Variants in UBR1 observed in about 807,000 individuals in gnomAD.
UBR1 encodes E3 ubiquitin-protein ligase UBR1.
In UBR1, 102 loss-of-function variants were observed where a neutral mutation model predicts 242.1. That is an observed-to-expected ratio of 0.42 (90% CI 0.36 to 0.50). The LOEUF is 0.50. Among genes scored for constraint, UBR1 ranks in the 20% least tolerant of loss-of-function variants. The probability of loss-of-function intolerance (pLI) is 0.01; values close to 1 mark genes in which losing one functional copy is unlikely to be tolerated. For missense variants in UBR1, 1,772 were observed against 2,101.8 expected (o/e 0.84, Z 3.07); for synonymous variants, 675 against 684.8 (o/e 0.99, Z 0.22).
intron 1 of UBR1, among the ~76,000 whole-genome samples, chr15:43,097,340 C>T (rs896709921): frequency 5.3e-5 from 8 of 152,080 alleles, no homozygotes; most frequent in African/African-American, 1.7e-4. Context: ...ATTCAACATA[C>T]GCAGAGTAGC....
At chr15:43,041,159 C>G (rs1400359042) in intron 15 of UBR1, among the ~76,000 whole-genome samples, 3 of 152,260 alleles carry the variant, frequency 2.0e-5, no homozygotes. Flanking sequence ...TTTATTGCAG[C>G]ACTATTCACA....
intron 1 of UBR1, among the ~76,000 whole-genome samples, chr15:43,092,265 A>G (rs1312133136): frequency 1.3e-5 from 2 of 152,154 alleles, no homozygotes; most frequent in South Asian, 2.1e-4. Context: ...TGATCAGCCC[A>G]AGAAAATTTT....
intron 21 of UBR1, 122 bp from the exon 22 acceptor site, chr15:43,027,950 T>C (rs749897539): frequency 2.2e-5 from 19 of 864,886 alleles, no homozygotes; most frequent in Non-Finnish European, 3.2e-5. Flanking sequence ...AAAAGATCAA[T>C]TTCCACTATT....
intron 1 of UBR1, among the ~76,000 whole-genome samples, chr15:43,095,542 T>TA (rs60302282): frequency 0.018 from 2,170 of 117,472 alleles, 40 homozygotes; most frequent in East Asian, 0.057. Flanking sequence ...GTGACAACAT[T>TA]AAAAAAAAAA....
chr15:43,013,655 T>G (rs1276627643), intron 29 of UBR1, among the ~76,000 whole-genome samples: 3 of 152,222 alleles, frequency 2.0e-5, no homozygotes, highest in South Asian at 2.1e-4. Context: ...TATCTTTTTG[T>G]GCATAAAGGT....
intron 42 of UBR1, among the ~76,000 whole-genome samples, chr15:42,961,743 C>G (rs780079168): frequency 6.0e-5 from 9 of 151,246 alleles, no homozygotes; most frequent in Admixed American, 1.3e-4. Context: ...CTGTGTTCCT[C>G]TTTCTATACT....
chr15:42,958,834 T>C (rs959133702), intron 43 of UBR1, among the ~76,000 whole-genome samples: 7 of 152,172 alleles, frequency 4.6e-5, no homozygotes, highest in African/African-American at 1.7e-4. Context: ...AACCAATTTA[T>C]TGATTTATTT....
chr15:42,963,432 C>G (rs1312089227), intron 42 of UBR1, among the ~76,000 whole-genome samples: 6 of 152,066 alleles, frequency 3.9e-5, no homozygotes, highest in Non-Finnish European at 8.8e-5. Flanking sequence ...TGACAGTGCA[C>G]AAGAGGGCCA....
At chr15:42,986,080 T>C (rs1210973940) in intron 35 of UBR1, among the ~76,000 whole-genome samples, 3 of 152,110 alleles carry the variant, frequency 2.0e-5, no homozygotes, top group African/African-American at 7.2e-5. Flanking sequence ...ATGGTATTTA[T>C]TCCTAAATTA....
At chr15:43,011,791 C>G in intron 29 of UBR1, 1 of 340,666 alleles carries the variant, frequency 2.9e-6, no homozygotes. Flanking sequence ...CAGAGTTCCA[C>G]AAGGAGACAC....
intron 33 of UBR1, among the ~76,000 whole-genome samples, chr15:42,990,807 C>A (rs1054674174): frequency 3.3e-5 from 5 of 152,192 alleles, no homozygotes; most frequent in African/African-American, 1.2e-4. Context: ...TGAAGCCAAG[C>A]TGCCTGGGTT....
chr15:42,974,404 T>C (rs370701234), intron 39 of UBR1, among the ~76,000 whole-genome samples: 1 of 152,104 alleles, frequency 6.6e-6, no homozygotes, highest in East Asian at 1.9e-4. Context: ...ATATCTGGGC[T>C]CTCTTTCATA....
intron 33 of UBR1, among the ~76,000 whole-genome samples, chr15:42,996,896 T>A (rs1054531905): frequency 6.6e-6 from 1 of 152,158 alleles, no homozygotes; most frequent in Non-Finnish European, 1.5e-5. Context: ...CAATTTTAGA[T>A]CCAAAGAGGG....
intron 27 of UBR1, among the ~76,000 whole-genome samples, chr15:43,017,642 T>C (rs1195659469): frequency 1.3e-5 from 2 of 151,872 alleles, no homozygotes; most frequent in Admixed American, 1.3e-4. Context: ...AAATCCTGTC[T>C]TTACTAAAAA....
At chr15:42,963,684 A>C (rs2141257359) in intron 42 of UBR1, among the ~76,000 whole-genome samples, 1 of 105,580 alleles carries the variant, frequency 9.5e-6, no homozygotes, top group South Asian at 3.7e-4. Flanking sequence ...CCCCAATTTA[A>C]AACAGATGAG....
chr15:42,949,328 T>C (rs1020021262), intron 46 of UBR1, among the ~76,000 whole-genome samples: 4 of 150,736 alleles, frequency 2.7e-5, no homozygotes, highest in African/African-American at 9.7e-5. Context: ...TACCTAATGC[T>C]AAATGATGAG....
rs759455243 is a variant in UBR1, at chr15:43,059,769, C to A, written c.918G>T (p.Glu306Asp). The A allele has an allele frequency of 6.2e-7, 1 of 1,614,090 alleles. No homozygotes were observed. The highest frequency in any genetic ancestry group is 8.5e-7 in the Non-Finnish European group (1 of 1,180,002). ...AAGCAAATTTCTGATGAGCCATAAT[C>A]TCTGAGTGTAATACTTCTACATGAA... ...HPLHVEVLHSEIMAHQKFALR... is the reference protein window; with the variant it reads ...HPLHVEVLHSDIMAHQKFALR... The change falls in exon 8 of 47, where the codon GAG becomes GAT. Residue 306 changes from glutamate to aspartate, a missense_variant. Glu to Asp is a conservative substitution (Grantham distance 45, BLOSUM62 2). This residue lies in a region of UBR1 where 734 missense variants were observed against 893.3 expected (regional missense o/e 0.82). Coordinates refer to ENST00000290650, the MANE Select transcript of UBR1 (RefSeq NM_174916.3).
intron 42 of UBR1, among the ~76,000 whole-genome samples, chr15:42,962,158 C>T (rs1387169682): frequency 6.6e-6 from 1 of 151,678 alleles, no homozygotes; most frequent in Non-Finnish European, 1.5e-5. Flanking sequence ...TTATTTTTTA[C>T]AGAGTATATC....
At position 43,002,662 on chromosome 15, in the gene UBR1, A is replaced by G. The variant is rs371995039; in HGVS notation, c.3552T>C (p.His1184=). 24 of 1,614,100 alleles carry G rather than the reference A, an allele frequency of 1.5e-5. No individual in the cohort carries two copies. Among genetic ancestry groups the G allele is most frequent in the Middle Eastern group, 1.6e-4 (1 of 6,084 alleles). ...CACTTTCCAAGTCAAAAAGGTCAAC[A>G]TGAATGCGCTGCTGAGAGCTCAGCT... ...AVQLSSQQRI[H]VDLFDLESGE... The change falls in exon 32 of 47, where the codon CAT becomes CAC. Residue 1184 remains histidine (H), a synonymous_variant. Transcript: ENST00000290650.
Sources: gnomAD v4.1 joint callset for allele counts (sites outside exome capture counted in the v4.1 genomes callset) on GRCh38, gnomAD v4.1.1 for gene constraint, gnomAD v4.1.1 regional missense constraint, MANE v1.5 for transcripts, NCBI Gene and HGNC (gene_info 2026-07-23, HGNC 2026-07-21) for gene names.